The following TCF12 variants were observed in gnomAD, a reference collection of about 807,000 sequenced individuals.
The protein encoded by TCF12 is DNA-binding protein HTF4.
A neutral mutation model predicts 86.0 loss-of-function variants in TCF12; 45 were observed. The observed-to-expected ratio is 0.52, with a 90% CI of 0.41 to 0.67. The LOEUF (loss-of-function observed/expected upper bound fraction) is 0.67. Ranked by LOEUF, TCF12 falls within the 30% of genes least tolerant of loss-of-function variation. TCF12 has a pLI of 0.00. For missense variants in TCF12, 881 were observed against 859.9 expected (o/e 1.02, Z -0.31); for synonymous variants, 330 against 299.6 (o/e 1.10, Z -1.05).
chr15:56,919,598 G>T, intron 1 of TCF12: 1 of 223,014 alleles, frequency 4.5e-6, no homozygotes, highest in Non-Finnish European at 8.9e-6. Context: ...GCGGAGCAGG[G>T]GGCGCCGAGG....
chr15:57,170,301 C>T (rs1407990859), intron 6 of TCF12, among the ~76,000 whole-genome samples: 9 of 149,598 alleles, frequency 6.0e-5, no homozygotes. Context: ...GGCAAGGTTT[C>T]ACTCTGTCAC....
At position 57,092,694 on chromosome 15, in the gene TCF12, G is replaced by T. The variant is rs138278589; in HGVS notation, c.325+803G>T. 2.6e-5 allele frequency among the ~76,000 whole-genome samples: 4 copies of T among 151,690 alleles called. No individual in the cohort carries two copies. The East Asian group carries it at 7.7e-4, about 29-fold the overall frequency. The stretch of plus-strand genomic sequence containing the variant: ...ATGATTTTTTTTCTTGCTTATGCTG[G>T]GGCTGAAAATATTACAAAAACTTTT... On this transcript the variant is annotated intron_variant, in intron 5 of 20. Transcript: ENST00000333725.
intron 3 of TCF12, among the ~76,000 whole-genome samples, chr15:56,994,512 C>T (rs1307539748): frequency 6.6e-6 from 1 of 151,890 alleles, no homozygotes; most frequent in African/African-American, 2.4e-5. Flanking sequence ...TAAATTTATG[C>T]CCAGATATGT....
intron 7 of TCF12, among the ~76,000 whole-genome samples, chr15:57,194,765 C>A (rs1219129258): frequency 6.6e-6 from 1 of 152,092 alleles, no homozygotes; most frequent in African/African-American, 2.4e-5. Flanking sequence ...ACATGAAATA[C>A]ACAAAAGGAT....
chr15:57,007,207 G>A (rs1300394464), intron 3 of TCF12, among the ~76,000 whole-genome samples: 2 of 152,034 alleles, frequency 1.3e-5, no homozygotes, highest in African/African-American at 4.8e-5. Context: ...ATATTCTTCT[G>A]CAAGAAACAG....
chr15:57,234,006 G>A, intron 11 of TCF12, 37 bp from the exon 12 acceptor site: 1 of 1,571,536 alleles, frequency 6.4e-7, no homozygotes, highest in South Asian at 1.1e-5. Flanking sequence ...ATACTTGCTT[G>A]TAAAATTCTT....
At chr15:56,964,092 C>G (rs1321817659) in intron 3 of TCF12, among the ~76,000 whole-genome samples, 2 of 152,134 alleles carry the variant, frequency 1.3e-5, no homozygotes, top group East Asian at 3.8e-4. Flanking sequence ...TTTTGAGTTC[C>G]ACCTCAGTGC....
At chr15:56,997,027 T>G (rs1373650200) in intron 3 of TCF12, among the ~76,000 whole-genome samples, 12 of 151,886 alleles carry the variant, frequency 7.9e-5, no homozygotes, top group African/African-American at 1.9e-4. Context: ...TTGGTGGGAG[T>G]GTGTAAATTA....
rs1184422578 is a variant in TCF12 at position 57,208,380 on chromosome 15, CT to C, written c.579+10574del. ...ACCTTGTTCTTTGGACAAAAATATC[CT>C]TTTTTTTTTTTTTTTTTTGGAGACA... On this transcript the variant is annotated intron_variant, in intron 8 of 20. Transcript: ENST00000333725. Among the ~76,000 whole-genome samples, 42 of 65,588 alleles carry C rather than the reference CT, an allele frequency of 6.4e-4. 1 individual carries two copies. The highest frequency in any genetic ancestry group is 9.4e-4 in the African/African-American group (14 of 14,846). 43.0% of individuals were successfully genotyped at this position (65,588 alleles called of 152,430 possible).
At chr15:57,089,902 T>C (rs2048883181) in intron 4 of TCF12, among the ~76,000 whole-genome samples, 1 of 152,116 alleles carries the variant, frequency 6.6e-6, no homozygotes, top group African/African-American at 2.4e-5. Flanking sequence ...TCCCTTAGTA[T>C]TCATTTTAAG....
At chr15:57,080,400 C>G (rs1052282501) in intron 4 of TCF12, among the ~76,000 whole-genome samples, 8 of 152,148 alleles carry the variant, frequency 5.3e-5, no homozygotes, top group Non-Finnish European at 7.4e-5. Context: ...ATTGCCGGTT[C>G]TTTGTTGGAT....
chr15:57,073,060 G>GT (rs1318481679), intron 4 of TCF12, among the ~76,000 whole-genome samples: 5 of 152,056 alleles, frequency 3.3e-5, no homozygotes, highest in East Asian at 3.9e-4. Flanking sequence ...TAAAGCTTCT[G>GT]TTTTTTTCAG....
In TCF12 at chr15:57,289,453, C is replaced by T. The variant is rs1173148019; in HGVS notation, c.*3308C>T. On this transcript the variant is annotated 3_prime_UTR_variant, in exon 21 of 21. Transcript: ENST00000333725. Reference sequence around the variant, plus strand: ...ACTTAAAACTTTCCCTACAAAACCTCCCTGCCTTGACTTTCTCTTTCTCTT... The same window carrying T: ...ACTTAAAACTTTCCCTACAAAACCTTCCTGCCTTGACTTTCTCTTTCTCTT... 4 of 152,196 alleles carry T rather than the reference C, an allele frequency of 2.6e-5. No individual in the cohort carries two copies. Among genetic ancestry groups the T allele is most frequent in the African/African-American group, 9.6e-5 (4 of 41,458 alleles). The allele number at this position is 152,196 out of a possible 1,614,324, so 9.4% of individuals were successfully genotyped here. A position where few individuals can be genotyped will look rare whatever the true frequency, so the allele number is the denominator to read the frequency against.
chr15:57,143,294 G>T (rs567868493), intron 5 of TCF12, among the ~76,000 whole-genome samples: 2 of 152,024 alleles, frequency 1.3e-5, no homozygotes, highest in African/African-American at 2.4e-5. Context: ...TTAATTAGAT[G>T]ATTCTGATGG....
intron 4 of TCF12, among the ~76,000 whole-genome samples, chr15:57,075,804 T>TTCTTTCTCTC (rs1461514777): frequency 4.2e-3 from 120 of 28,582 alleles, no homozygotes; most frequent in Middle Eastern, 0.017. Flanking sequence ...CTTTCTTTCT[T>TTCTTTCTCTC]TCTCTCTCTC....
intron 8 of TCF12, among the ~76,000 whole-genome samples, chr15:57,223,643 G>GTTTTTTTTTTTTTTTGTT (rs2058710921): frequency 2.9e-5 from 2 of 69,666 alleles, no homozygotes; most frequent in African/African-American, 9.8e-5. Context: ...TACCAATGAG[G>GTTTTTTTTTTTTTTTGTT]TTTTTTTTTT....
intron 5 of TCF12, among the ~76,000 whole-genome samples, chr15:57,097,446 T>C (rs2049404815): frequency 6.6e-6 from 1 of 152,002 alleles, no homozygotes; most frequent in Non-Finnish European, 1.5e-5. Flanking sequence ...GAGGATTCCT[T>C]GAGCTGGGGA....
intron 5 of TCF12, among the ~76,000 whole-genome samples, chr15:57,135,606 T>C (rs1288445077): frequency 6.6e-6 from 1 of 152,214 alleles, no homozygotes; most frequent in Non-Finnish European, 1.5e-5. Context: ...CTCTCTGAGA[T>C]GAATTGGATT....
intron 6 of TCF12, among the ~76,000 whole-genome samples, chr15:57,181,025 A>C (rs1219333541): frequency 6.6e-6 from 1 of 151,658 alleles, no homozygotes; most frequent in East Asian, 2.0e-4. Flanking sequence ...TGTGTTAGCC[A>C]GGATAGTCTC....
Sources: allele counts gnomAD v4.1 joint callset (sites outside exome capture counted in the v4.1 genomes callset), GRCh38; gene constraint gnomAD v4.1.1; transcripts MANE v1.5; gene names NCBI Gene and HGNC (gene_info 2026-07-23, HGNC 2026-07-21).